The following PRR5L variants were observed in gnomAD, a reference collection of about 807,000 sequenced individuals.
The protein encoded by PRR5L is proline rich 5 like.
Under a neutral mutation model 36.4 loss-of-function variants are expected in PRR5L, and 21 were observed. That is an observed-to-expected ratio of 0.58 (90% CI 0.41 to 0.83). PRR5L has a LOEUF of 0.83. Among genes scored for constraint, PRR5L ranks in the 40% least tolerant of loss-of-function variants. The pLI is 0.00. For missense variants in PRR5L, 381 were observed against 473.3 expected (o/e 0.80, Z 1.81); for synonymous variants, 188 against 197.0 (o/e 0.95, Z 0.38).
At chr11:36,312,827 G>A (rs184938449) in intron 1 of PRR5L, among the ~76,000 whole-genome samples, 1 of 152,360 alleles carries the variant, frequency 6.6e-6, no homozygotes, top group African/African-American at 2.4e-5. Context: ...TTTGTGGTGA[G>A]GATTACAGAC....
At chr11:36,413,981 T>C (rs11033604) in intron 3 of PRR5L, among the ~76,000 whole-genome samples, 29,974 of 146,964 alleles carry the variant, frequency 0.2, 4,605 homozygotes, top group African/African-American at 0.44. Flanking sequence ...TTTGTCCTTG[T>C]GATAGTTTAC....
At chr11:36,406,271 G>T (rs1318306915) in intron 3 of PRR5L, among the ~76,000 whole-genome samples, 2 of 151,968 alleles carry the variant, frequency 1.3e-5, no homozygotes, top group Non-Finnish European at 2.9e-5. Flanking sequence ...TGATTTTTCA[G>T]ACTAGTGGGA....
chr11:36,403,007 A>T (rs1857830430), intron 2 of PRR5L, among the ~76,000 whole-genome samples: 1 of 152,238 alleles, frequency 6.6e-6, no homozygotes, highest in Non-Finnish European at 1.5e-5. Flanking sequence ...GTTTCCTGCG[A>T]TCAGATCCCA....
At chr11:36,380,541 T>A (rs1857350119) in intron 1 of PRR5L, 1 of 152,138 alleles carries the variant, frequency 6.6e-6, no homozygotes, top group Non-Finnish European at 1.5e-5. Flanking sequence ...TGTAGATTAA[T>A]CCTCGGATTT....
intron 1 of PRR5L, among the ~76,000 whole-genome samples, chr11:36,340,449 G>A (rs112466972): frequency 1.4e-4 from 21 of 152,288 alleles, no homozygotes; most frequent in African/African-American, 4.1e-4. Flanking sequence ...GATACAGAGT[G>A]CGCATGCATA....
At chr11:36,457,468 T>A (rs7113673) in intron 8 of PRR5L, among the ~76,000 whole-genome samples, 1 of 151,694 alleles carries the variant, frequency 6.6e-6, no homozygotes, top group Admixed American at 6.6e-5. Flanking sequence ...TAGCTGGGTG[T>A]GGTGGTGGGC....
chr11:36,296,776 C>T (rs1055621062), intron 1 of PRR5L, among the ~76,000 whole-genome samples: 8 of 152,174 alleles, frequency 5.3e-5, no homozygotes, highest in African/African-American at 1.9e-4. Context: ...CATATGTATA[C>T]CTATTACTGT....
chr11:36,437,362 C>T (rs1162349870), intron 5 of PRR5L, 23 bp from the exon 6 acceptor site: 5 of 1,478,332 alleles, frequency 3.4e-6, no homozygotes. Flanking sequence ...TTCCTCCCTT[C>T]CCATCTTCTC....
At chr11:36,430,329 G>A (rs550285353) in intron 4 of PRR5L, among the ~76,000 whole-genome samples, 6 of 152,214 alleles carry the variant, frequency 3.9e-5, no homozygotes, top group East Asian at 1.9e-4. Context: ...GGAGAATTGC[G>A]TGAACCTGGG....
rs58639707 is a variant in PRR5L at position 36,420,834 on chromosome 11, A to AACACACACACACACACACACACACAC, written c.294+1550_294+1575dup. 1.0e-4 allele frequency among the ~76,000 whole-genome samples: 14 copies of AACACACACACACACACACACACACAC among 139,406 alleles called. No individual in the cohort carries two copies. In the East Asian group the frequency reaches 1.6e-3, roughly 16 times the overall value. 91.5% of individuals were successfully genotyped at this position (139,406 alleles called of 152,430 possible). On this transcript the variant is annotated intron_variant, in intron 4 of 8. Transcript: ENST00000530639. ...AAAAGAATGACATGTCAGTTGTTTA[A>AACACACACACACACACACACACACAC]ACACACACACACACACACACACACA...
At chr11:36,331,774 C>T (rs1856721818) in intron 1 of PRR5L, among the ~76,000 whole-genome samples, 1 of 152,140 alleles carries the variant, frequency 6.6e-6, no homozygotes, top group Admixed American at 6.5e-5. Flanking sequence ...AGAGAAAAGA[C>T]AGATTTTTAT....
intron 1 of PRR5L, chr11:36,376,017 C>T (rs1857251561): frequency 2.0e-6 from 1 of 512,686 alleles, no homozygotes; most frequent in Admixed American, 2.6e-5. Context: ...GGCAGCTGGG[C>T]CGGGGGCGGG....
At chr11:36,374,107 T>TTCCTTCCTTCCTGC (rs1554989613) in intron 1 of PRR5L, among the ~76,000 whole-genome samples, 2 of 90,564 alleles carry the variant, frequency 2.2e-5, no homozygotes, top group Non-Finnish European at 4.9e-5. Flanking sequence ...CCTTCCTTCC[T>TTCCTTCCTTCCTGC]CTCTCTCTCT....
chr11:36,354,089 G>A (rs965954974), intron 1 of PRR5L, among the ~76,000 whole-genome samples: 13 of 152,204 alleles, frequency 8.5e-5, no homozygotes, highest in Non-Finnish European at 1.5e-4. Flanking sequence ...AGGAGCACCT[G>A]TGTCTCAATT....
chr11:36,311,001 A>AG (rs1856496460), intron 1 of PRR5L, among the ~76,000 whole-genome samples: 1 of 150,848 alleles, frequency 6.6e-6, no homozygotes, highest in Non-Finnish European at 1.5e-5. Context: ...TCTCCAAAAA[A>AG]AAAAAAAAAA....
intron 1 of PRR5L, among the ~76,000 whole-genome samples, chr11:36,349,284 A>G (rs1856902224): frequency 6.6e-6 from 1 of 150,884 alleles, no homozygotes; most frequent in Non-Finnish European, 1.5e-5. Context: ...TCTGCCAAAA[A>G]AAAAAAAAAA....
At chr11:36,378,851 C>T (rs1332154979) in intron 1 of PRR5L, among the ~76,000 whole-genome samples, 1 of 152,134 alleles carries the variant, frequency 6.6e-6, no homozygotes, top group Non-Finnish European at 1.5e-5. Context: ...CCCACTGAGG[C>T]TTGGAGAATT....
At chr11:36,374,386 C>T (rs779267375) in intron 1 of PRR5L, among the ~76,000 whole-genome samples, 3 of 151,926 alleles carry the variant, frequency 2.0e-5, no homozygotes, top group Non-Finnish European at 4.4e-5. Context: ...AGCCACCACA[C>T]CCGGCCAAAA....
intron 1 of PRR5L, among the ~76,000 whole-genome samples, chr11:36,298,185 A>G (rs532284917): frequency 7.2e-5 from 11 of 152,224 alleles, no homozygotes; most frequent in African/African-American, 2.6e-4. Context: ...AATATCACAG[A>G]CTGAGGGGCT....
Sources: allele counts gnomAD v4.1 joint callset (sites outside exome capture counted in the v4.1 genomes callset), GRCh38; gene constraint gnomAD v4.1.1; transcripts MANE v1.5; gene names NCBI Gene and HGNC (gene_info 2026-07-23, HGNC 2026-07-21).